Variants in DLGAP4 observed in about 807,000 individuals in gnomAD.
DLGAP4 encodes the protein DLG associated protein 4, also known as disks large-associated protein 4.
In DLGAP4, 18 loss-of-function variants were observed where a neutral mutation model predicts 86.9. That is an observed-to-expected ratio of 0.21 (90% CI 0.14 to 0.31). The LOEUF is 0.31. Ranked by LOEUF, DLGAP4 falls within the 10% of genes least tolerant of loss-of-function variation. The pLI is 1.00. For missense variants in DLGAP4, 1,085 were observed against 1,362.6 expected, an observed-to-expected ratio of 0.80 and a Z score of 3.21; for synonymous variants, 548 against 574.3, an observed-to-expected ratio of 0.95 and a Z score of 0.65.
intron 7 of DLGAP4, chr20:36,461,399 G>T (rs1241851413): frequency 2.1e-6 from 2 of 953,898 alleles, no homozygotes; most frequent in Non-Finnish European, 2.5e-6. Context: ...ACGCGCGCGC[G>T]GCTGACGCGG....
chr20:36,492,055 C>T (rs1371672483), intron 7 of DLGAP4, among the ~76,000 whole-genome samples: 1 of 152,148 alleles, frequency 6.6e-6, no homozygotes, highest in Non-Finnish European at 1.5e-5. Context: ...AATTCTGAAA[C>T]TTGTGGGTAG....
chr20:36,500,226 C>T lies in DLGAP4; in HGVS notation c.2127C>T (p.Ser709=), dbSNP rs1229231680. 1.3e-6 allele frequency: 2 copies of T among 1,589,752 alleles called. No homozygotes were observed. The highest frequency in any genetic ancestry group is 3.6e-5 in the Admixed American group (2 of 56,332). ...WRSSVPSHSM[S]SRRDTDSDTQ... ...GCAGCGTCCCCTCTCACAGTATGTCCTCCCGACGGGACACAGACTCGGATA... is the reference window on the plus strand; with the variant it reads ...GCAGCGTCCCCTCTCACAGTATGTCTTCCCGACGGGACACAGACTCGGATA... The change falls in exon 10 of 13, where the codon TCC becomes TCT. Residue 709 remains serine, a synonymous_variant. Coordinates refer to ENST00000339266, the MANE Select transcript of DLGAP4 (RefSeq NM_001365621.2). The surrounding 1 kb of genome is among the most constrained non-coding windows in gnomAD (Gnocchi z 4.6).
chr20:36,497,089 G>A, intron 8 of DLGAP4, 23 bp downstream of exon 8: 1 of 1,566,652 alleles, frequency 6.4e-7, no homozygotes, highest in African/African-American at 1.4e-5. Flanking sequence ...TTTGCACTCT[G>A]TGTCCTCAGC....
intron 2 of DLGAP4, among the ~76,000 whole-genome samples, chr20:36,383,258 A>G (rs1244787985): frequency 6.6e-6 from 1 of 152,228 alleles, no homozygotes; most frequent in Non-Finnish European, 1.5e-5. Context: ...CAGTGATATC[A>G]GAGAGGTGAT....
intron 7 of DLGAP4, among the ~76,000 whole-genome samples, chr20:36,456,289 G>A (rs746213207): frequency 5.3e-5 from 8 of 152,214 alleles, no homozygotes; most frequent in African/African-American, 1.7e-4. Context: ...GCCTGACTTC[G>A]AAGCCCTGGG....
intron 1 of DLGAP4, among the ~76,000 whole-genome samples, chr20:36,319,969 T>TCC (rs2065149078): frequency 6.6e-6 from 1 of 150,388 alleles, no homozygotes. Flanking sequence ...TCCCTCTGCG[T>TCC]CCCACTCCCC....
chr20:36,406,384 C>T (rs1453128882), intron 2 of DLGAP4, among the ~76,000 whole-genome samples: 10 of 130,006 alleles, frequency 7.7e-5, no homozygotes, highest in African/African-American at 1.2e-4. Flanking sequence ...GGTGACAGAG[C>T]GAGACTCCAC....
At chr20:36,320,912 A>G (rs1470900010) in intron 1 of DLGAP4, among the ~76,000 whole-genome samples, 1 of 152,118 alleles carries the variant, frequency 6.6e-6, no homozygotes, top group Admixed American at 6.5e-5. Context: ...TGAATCCCCG[A>G]ACCCTCCTGT....
intron 10 of DLGAP4, among the ~76,000 whole-genome samples, chr20:36,503,873 T>C (rs755552824): frequency 7.9e-5 from 12 of 152,236 alleles, no homozygotes; most frequent in Non-Finnish European, 1.6e-4. Flanking sequence ...TGCCAGTATT[T>C]CATTCCGTTT....
In DLGAP4 at chr20:36,489,466, T is replaced by TCTTGG. The variant is rs1297709540; in HGVS notation, c.1649-7235_1649-7231dup. ...TCATCAGCCTGACACCTTTTTAACT[T>TCTTGG]CTTGGCTTCTGTGGATGTTTGGGTC... On this transcript the variant is annotated intron_variant, in intron 7 of 12. Transcript: ENST00000339266. Among the ~76,000 whole-genome samples the TCTTGG allele has an allele frequency of 9.9e-5, 15 of 152,188 alleles. 1 individual carries two copies. Among genetic ancestry groups the TCTTGG allele is most frequent in the Admixed American group, 9.8e-4 (15 of 15,270 alleles).
At chr20:36,331,558 A>G (rs781892311) in intron 1 of DLGAP4, among the ~76,000 whole-genome samples, 7 of 152,086 alleles carry the variant, frequency 4.6e-5, no homozygotes, top group African/African-American at 1.7e-4. Flanking sequence ...CTCTGGGGAG[A>G]GGGGCCAGAG....
rs6067273 is a variant in DLGAP4, at chr20:36,454,645, C to T, written c.1648+7708C>T. Among the ~76,000 whole-genome samples the T allele has an allele frequency of 3.5e-3, 534 of 152,316 alleles. 1 individual carries two copies. Among genetic ancestry groups the T allele is most frequent in the Non-Finnish European group, 5.5e-3 (373 of 68,026 alleles). ...GTCTCCAAGGAGTGAGCAATCGGGT[C>T]CTTTCTCCACCCCCAGGGCTGTTCT... On this transcript the variant is annotated intron_variant, in intron 7 of 12. Transcript: ENST00000339266.
chr20:36,522,272 G>A (rs554010022), intron 10 of DLGAP4, among the ~76,000 whole-genome samples: 15 of 152,024 alleles, frequency 9.9e-5, no homozygotes, highest in Admixed American at 2.6e-4. Context: ...CTCCCGCCCC[G>A]CCTTGCCTCC....
At chr20:36,437,258 C>T (rs1273639052) in intron 4 of DLGAP4, among the ~76,000 whole-genome samples, 1 of 152,216 alleles carries the variant, frequency 6.6e-6, no homozygotes, top group Non-Finnish European at 1.5e-5. Context: ...CACAGTTCAG[C>T]CCTGACCACA....
chr20:36,478,793 T>G (rs865806879), intron 7 of DLGAP4, among the ~76,000 whole-genome samples: 1 of 152,216 alleles, frequency 6.6e-6, no homozygotes, highest in African/African-American at 2.4e-5. Context: ...TGACTCACTG[T>G]GTGATCCCGA....
chr20:36,460,751 C>T (rs886785926), intron 7 of DLGAP4, among the ~76,000 whole-genome samples: 12 of 152,214 alleles, frequency 7.9e-5, no homozygotes, highest in African/African-American at 2.9e-4. Flanking sequence ...GTGAAGGCAC[C>T]ACCTACTGCC....
At chr20:36,459,300 A>C (rs1164703432) in intron 7 of DLGAP4, among the ~76,000 whole-genome samples, 1 of 152,184 alleles carries the variant, frequency 6.6e-6, no homozygotes, top group East Asian at 1.9e-4. Context: ...TCCTAGCCCA[A>C]GGGTCTCAAA....
At chr20:36,522,710 G>T (rs186901658) in intron 10 of DLGAP4, among the ~76,000 whole-genome samples, 2 of 152,064 alleles carry the variant, frequency 1.3e-5, no homozygotes, top group East Asian at 1.9e-4. Flanking sequence ...TAGAGACAGG[G>T]TTTTACCAGG....
chr20:36,446,224 A>G (rs1470871893), intron 6 of DLGAP4, among the ~76,000 whole-genome samples: 1 of 152,010 alleles, frequency 6.6e-6, no homozygotes, highest in Non-Finnish European at 1.5e-5. Context: ...CCACTTCCTC[A>G]CTGGGTACCC....
Sources: gnomAD v4.1 joint callset for allele counts (sites outside exome capture counted in the v4.1 genomes callset) on GRCh38, gnomAD v4.1.1 for gene constraint, Gnocchi (gnomAD v3.1) non-coding constraint, MANE v1.5 for transcripts, NCBI Gene and HGNC (gene_info 2026-07-23, HGNC 2026-07-21) for gene names.